The following COBL variants were observed in gnomAD, a reference collection of about 807,000 sequenced individuals.
COBL encodes cordon-bleu WH2 repeat protein.
Under a neutral mutation model 98.8 loss-of-function variants are expected in COBL, and 51 were observed. That is an observed-to-expected ratio of 0.52 (90% CI 0.41 to 0.65). The LOEUF (loss-of-function observed/expected upper bound fraction) is 0.65, where lower values mean the gene tolerates loss of function less well. COBL is among the 30% of genes least tolerant of loss of function. The pLI, the probability that COBL is intolerant of heterozygous loss-of-function variation, is 0.00. For synonymous variants in COBL, 634 were observed against 651.7 expected (o/e 0.97, Z 0.41); for missense variants, 1,617 against 1,617.5 (o/e 1.00, Z 0.01).
intron 7 of COBL, among the ~76,000 whole-genome samples, chr7:51,084,830 T>G (rs974057329): frequency 6.6e-6 from 1 of 152,094 alleles, no homozygotes; most frequent in Non-Finnish European, 1.5e-5. Flanking sequence ...TTCCACGATG[T>G]CACCCTAGGA....
chr7:51,020,266 G>A (rs1021263966), intron 12 of COBL, among the ~76,000 whole-genome samples: 1 of 152,292 alleles, frequency 6.6e-6, no homozygotes, highest in African/African-American at 2.4e-5. Flanking sequence ...CGGGGTAGAT[G>A]CTTGCCCCGC....
At chr7:51,067,601 A>T (rs1295397) in intron 7 of COBL, among the ~76,000 whole-genome samples, 3 of 152,152 alleles carry the variant, frequency 2.0e-5, no homozygotes, top group Admixed American at 6.5e-5. Context: ...ACTGTAACAG[A>T]GGATGGGGAG....
intron 6 of COBL, among the ~76,000 whole-genome samples, chr7:51,130,806 AC>A (rs760452921): frequency 6.6e-6 from 1 of 152,224 alleles, no homozygotes; most frequent in Non-Finnish European, 1.5e-5. Context: ...TATTCTAGTT[AC>A]CAGATCCAGG....
chr7:51,201,084 C>T (rs1240361425), intron 2 of COBL, among the ~76,000 whole-genome samples: 2 of 151,542 alleles, frequency 1.3e-5, no homozygotes, highest in African/African-American at 4.8e-5. Flanking sequence ...ACTAAAAATA[C>T]CAAAAATTAG....
chr7:51,281,528 G>A (rs192076825), intron 1 of COBL, among the ~76,000 whole-genome samples: 45 of 151,838 alleles, frequency 3.0e-4, no homozygotes, highest in African/African-American at 9.4e-4. Flanking sequence ...CTAAAAACAC[G>A]GAAAAAACCT....
At chr7:51,182,702 T>C (rs951704680) in intron 5 of COBL, among the ~76,000 whole-genome samples, 3 of 151,814 alleles carry the variant, frequency 2.0e-5, no homozygotes, top group Non-Finnish European at 4.4e-5. Flanking sequence ...TGGGAGGGGA[T>C]AGAAAATGTC....
At chr7:51,311,750 A>G (rs1254059370) in intron 1 of COBL, among the ~76,000 whole-genome samples, 4 of 152,226 alleles carry the variant, frequency 2.6e-5, no homozygotes, top group Non-Finnish European at 4.4e-5. Flanking sequence ...TACAACTCAA[A>G]TAAATGAAAA....
chr7:51,082,848 C>T (rs1793802996), intron 7 of COBL, among the ~76,000 whole-genome samples: 1 of 152,206 alleles, frequency 6.6e-6, no homozygotes, highest in Non-Finnish European at 1.5e-5. Flanking sequence ...AGTCTGACCA[C>T]AGATAGGCAT....
At chr7:51,239,992 T>C (rs944051652) in intron 1 of COBL, among the ~76,000 whole-genome samples, 6 of 152,254 alleles carry the variant, frequency 3.9e-5, no homozygotes, top group Non-Finnish European at 8.8e-5. Context: ...TTGGCTGTGT[T>C]CCAATACAAT....
At chr7:51,246,318 G>A (rs948385371) in intron 1 of COBL, among the ~76,000 whole-genome samples, 3 of 152,134 alleles carry the variant, frequency 2.0e-5, no homozygotes, top group Non-Finnish European at 2.9e-5. Context: ...AGCAGGGGCC[G>A]CCTCCTCTGT....
chr7:51,261,527 G>T (rs1242558944), intron 1 of COBL, among the ~76,000 whole-genome samples: 1 of 152,216 alleles, frequency 6.6e-6, no homozygotes, highest in Non-Finnish European at 1.5e-5. Context: ...GATTTCGTCT[G>T]AGCTAAGAAC....
At chr7:51,295,597 C>T (rs757197031) in intron 1 of COBL, among the ~76,000 whole-genome samples, 2 of 152,126 alleles carry the variant, frequency 1.3e-5, no homozygotes, top group Non-Finnish European at 2.9e-5. Context: ...GCAAAGCAAA[C>T]ACGACATCCT....
intron 6 of COBL, among the ~76,000 whole-genome samples, chr7:51,104,494 T>C (rs952872121): frequency 2.0e-5 from 3 of 152,200 alleles, no homozygotes; most frequent in Non-Finnish European, 4.4e-5. Flanking sequence ...TGTGCCTCAA[T>C]TTCTCCATCT....
At chr7:51,273,327 C>CA (rs953811880) in intron 1 of COBL, among the ~76,000 whole-genome samples, 5,671 of 58,958 alleles carry the variant, frequency 0.096, 440 homozygotes, top group African/African-American at 0.25. Context: ...GACTCCATCT[C>CA]AAAAAAAAAA....
chr7:51,172,358 A>G (rs1435072665), intron 5 of COBL: 3 of 723,982 alleles, frequency 4.1e-6, no homozygotes, highest in African/African-American at 1.9e-5. Flanking sequence ...ACAAATCACC[A>G]AACTAAACCA....
intron 7 of COBL, among the ~76,000 whole-genome samples, chr7:51,058,790 T>A (rs558229806): frequency 2.8e-4 from 43 of 152,232 alleles, no homozygotes; most frequent in Non-Finnish European, 4.9e-4. Context: ...GAGCGTGGGC[T>A]GTTAGAGCGA....
chr7:51,070,392 AACACACAC>A (rs369051694), intron 7 of COBL, among the ~76,000 whole-genome samples: 3 of 138,928 alleles, frequency 2.2e-5, no homozygotes, highest in South Asian at 2.4e-4. Context: ...AAACAGTTAA[AACACACAC>A]ACACACACAC....
intron 1 of COBL, among the ~76,000 whole-genome samples, chr7:51,277,977 T>A (rs994237459): frequency 6.6e-6 from 1 of 152,202 alleles, no homozygotes; most frequent in African/African-American, 2.4e-5. Context: ...CGTTATTTAC[T>A]GATCTCTTCT....
At chr7:51,104,664 C>T (rs778516021) in intron 6 of COBL, among the ~76,000 whole-genome samples, 12 of 152,058 alleles carry the variant, frequency 7.9e-5, no homozygotes, top group Non-Finnish European at 1.2e-4. Context: ...AACCAACAGT[C>T]GGCAGTCTAA....
Sources: allele counts gnomAD v4.1 joint callset (sites outside exome capture counted in the v4.1 genomes callset), GRCh38; gene constraint gnomAD v4.1.1; transcripts MANE v1.5; gene names NCBI Gene and HGNC (gene_info 2026-07-23, HGNC 2026-07-21).